CCDC178: variants seen among roughly 807,000 people sequenced by gnomAD.
CCDC178 encodes the protein coiled-coil domain-containing protein 178.
CCDC178 carries 126 observed loss-of-function variants against 117.4 expected under a neutral mutation model. That is an observed-to-expected ratio of 1.07 (90% confidence interval 0.93 to 1.24). The LOEUF is 1.24. CCDC178 is among the 50% of genes most tolerant of loss of function. The probability of loss-of-function intolerance (pLI) is 0.00; values close to 1 mark genes in which losing one functional copy is unlikely to be tolerated. For synonymous variants in CCDC178, 283 were observed against 313.4 expected, an observed-to-expected ratio of 0.90 and a Z score of 1.02; for missense variants, 1,030 against 986.9, an observed-to-expected ratio of 1.04 and a Z score of -0.59.
rs571390740 is a variant in CCDC178, at chr18:32,983,382, A to AG, written c.2389-8702_2389-8701insC. 1.8e-3 allele frequency: 2,485 copies of AG among 1,360,382 alleles called. 38 individuals are homozygous for AG. The African/African-American group carries it at 0.032, about 18-fold the overall frequency. 84.3% of individuals were successfully genotyped at this position (1,360,382 alleles called of 1,614,324 possible). A position where few individuals can be genotyped will look rare whatever the true frequency, so the allele number is the denominator to read the frequency against. On this transcript the variant is annotated intron_variant, in intron 21 of 22. Transcript: ENST00000383096. ...GAATAGAAATATTACAAATATTACA[A>AG]ATGAAGCCATTTCAGAAGTCCGTAT...
chr18:33,137,239 A>G (rs911132320), intron 20 of CCDC178, among the ~76,000 whole-genome samples: 1 of 152,226 alleles, frequency 6.6e-6, no homozygotes, highest in African/African-American at 2.4e-5. Context: ...GCATTCATTA[A>G]GCATCTATTA....
At chr18:33,237,110 C>G (rs960530160) in intron 15 of CCDC178, among the ~76,000 whole-genome samples, 5 of 152,186 alleles carry the variant, frequency 3.3e-5, no homozygotes, top group African/African-American at 7.2e-5. Context: ...ACCAGAGCCA[C>G]CTCTAGAGTG....
intron 20 of CCDC178, among the ~76,000 whole-genome samples, chr18:33,174,477 T>C (rs554276515): frequency 1.3e-5 from 2 of 152,302 alleles, no homozygotes; most frequent in South Asian, 4.1e-4. Context: ...ATATTATTTA[T>C]AGAAGCTTCC....
chr18:32,981,678 A>G (rs1294774315), intron 21 of CCDC178, among the ~76,000 whole-genome samples: 1 of 152,222 alleles, frequency 6.6e-6, no homozygotes, highest in Non-Finnish European at 1.5e-5. Context: ...CATCTGTCAA[A>G]ATATAAAAAT....
chr18:33,119,438 T>C (rs1336489199), intron 20 of CCDC178, among the ~76,000 whole-genome samples: 1 of 152,156 alleles, frequency 6.6e-6, no homozygotes, highest in Non-Finnish European at 1.5e-5. Flanking sequence ...GAAAAAATGC[T>C]CATCATCACT....
intron 14 of CCDC178, among the ~76,000 whole-genome samples, chr18:33,265,442 G>A (rs1275067736): frequency 2.0e-5 from 3 of 152,016 alleles, no homozygotes; most frequent in African/African-American, 7.2e-5. Flanking sequence ...ATATGACAGA[G>A]GAATTGAATT....
intron 14 of CCDC178, among the ~76,000 whole-genome samples, chr18:33,253,032 T>C (rs1026215287): frequency 4.6e-5 from 7 of 151,870 alleles, no homozygotes; most frequent in Middle Eastern, 3.2e-3. Context: ...CTGCCTATCA[T>C]GTGAATAAGC....
chr18:33,325,663 A>G (rs945045473), intron 10 of CCDC178, among the ~76,000 whole-genome samples: 6 of 152,112 alleles, frequency 3.9e-5, no homozygotes, highest in African/African-American at 1.4e-4. Context: ...CAATAATTTG[A>G]TATTTTATTT....
At chr18:33,387,358 T>G (rs1195521837) in intron 5 of CCDC178, among the ~76,000 whole-genome samples, 1 of 152,164 alleles carries the variant, frequency 6.6e-6, no homozygotes, top group African/African-American at 2.4e-5. Flanking sequence ...AAAAAACTAT[T>G]TTAAAATTCA....
At chr18:33,045,873 C>T (rs141565273) in intron 21 of CCDC178, among the ~76,000 whole-genome samples, 11 of 152,096 alleles carry the variant, frequency 7.2e-5, no homozygotes, top group African/African-American at 2.2e-4. Flanking sequence ...TCGAGACCAG[C>T]CTGGCTGAAA....
At chr18:32,957,996 G>C (rs1174774063) in intron 22 of CCDC178, 1 of 294,746 alleles carries the variant, frequency 3.4e-6, no homozygotes, top group Admixed American at 5.2e-5. Flanking sequence ...TATCTCTTTA[G>C]TTATCCTTTG....
At chr18:32,961,613 G>A (rs1169159395) in intron 22 of CCDC178, among the ~76,000 whole-genome samples, 1 of 152,150 alleles carries the variant, frequency 6.6e-6, no homozygotes, top group Non-Finnish European at 1.5e-5. Flanking sequence ...GCAGGGAATA[G>A]TTTTGGGATG....
chr18:33,092,759 A>G lies in CCDC178; in HGVS notation c.2388+2T>C. 1 of 1,521,962 alleles carries G rather than the reference A, an allele frequency of 6.6e-7. No individual in the cohort carries two copies. The highest frequency in any genetic ancestry group is 2.3e-5 in the East Asian group (1 of 43,766). The allele number at this position is 1,521,962 out of a possible 1,614,324, so 94.3% of individuals were successfully genotyped here. On this transcript the variant is annotated splice_donor_variant, in intron 21 of 22. Coordinates refer to ENST00000383096, the MANE Select transcript of CCDC178 (RefSeq NM_001105528.4). LOFTEE classifies it high-confidence loss of function. ...CCTTAAAACAATTAGAAAAACCAAT[A>G]CCTGTTTCTTATCTCTAATTGAAGT...
chr18:33,262,564 T>G (rs896738842), intron 14 of CCDC178, among the ~76,000 whole-genome samples: 1 of 152,162 alleles, frequency 6.6e-6, no homozygotes, highest in Non-Finnish European at 1.5e-5. Context: ...TGACTCATTA[T>G]CTGGCATGAT....
At chr18:32,961,353 T>C (rs1480218794) in intron 22 of CCDC178, among the ~76,000 whole-genome samples, 1 of 152,172 alleles carries the variant, frequency 6.6e-6, no homozygotes, top group Non-Finnish European at 1.5e-5. Flanking sequence ...TGTCTCTCTC[T>C]ATTCCTGATG....
chr18:32,961,674 C>G (rs1302705968), intron 22 of CCDC178, among the ~76,000 whole-genome samples: 1 of 152,102 alleles, frequency 6.6e-6, no homozygotes, highest in Non-Finnish European at 1.5e-5. Context: ...AAGGAGCAGG[C>G]AGCCTAGATC....
intron 2 of CCDC178, among the ~76,000 whole-genome samples, chr18:33,439,517 A>G (rs2144999372): frequency 6.6e-6 from 1 of 152,364 alleles, no homozygotes; most frequent in East Asian, 1.9e-4. Context: ...TATATATTCA[A>G]GATAGAAATA....
chr18:33,392,535 T>G (rs1005731308), intron 4 of CCDC178, among the ~76,000 whole-genome samples: 3 of 152,142 alleles, frequency 2.0e-5, no homozygotes, highest in African/African-American at 7.2e-5. Context: ...GTCCAGAGTA[T>G]TAAAAGAATA....
intron 14 of CCDC178, 32 bp from the exon 15 acceptor site, chr18:33,245,460 GAGTATAT>G: frequency 1.4e-6 from 2 of 1,439,318 alleles, no homozygotes; most frequent in Non-Finnish European, 1.8e-6. Context: ...TAATATTATT[GAGTATAT>G]AGTGAGACAA....
Sources: allele counts gnomAD v4.1 joint callset (sites outside exome capture counted in the v4.1 genomes callset), GRCh38; gene constraint gnomAD v4.1.1; transcripts MANE v1.5; gene names NCBI Gene and HGNC (gene_info 2026-07-23, HGNC 2026-07-21).